Variants in PRH1 observed in about 807,000 individuals in gnomAD.
The protein encoded by PRH1 is salivary acidic proline-rich phosphoprotein 1/2.
Under a neutral mutation model 7.9 loss-of-function variants are expected in PRH1, and 7 were observed. The ratio of observed to expected loss-of-function variants is 0.89; its 90% confidence interval spans 0.50 to 1.67. The LOEUF (loss-of-function observed/expected upper bound fraction) is 1.67, where lower values mean the gene tolerates loss of function less well. Among genes scored for constraint, PRH1 ranks in the 40% most tolerant of loss-of-function variants. PRH1 has a pLI of 0.00. For missense variants in PRH1, 109 were observed against 223.6 expected, an observed-to-expected ratio of 0.49 and a Z score of 3.27; for synonymous variants, 45 against 80.8, an observed-to-expected ratio of 0.56 and a Z score of 2.38.
At chr12:11,031,440 A>G (rs1942212230) in intron 1 of PRH1, 3 of 1,321,666 alleles carry the variant, frequency 2.3e-6, no homozygotes, top group Non-Finnish European at 3.1e-6. Context: ...GGAGCCACCG[A>G]CCTTCACGGT....
At chr12:10,912,632 G>A (rs1185679033) in intron 2 of PRH1, among the ~76,000 whole-genome samples, 2 of 151,278 alleles carry the variant, frequency 1.3e-5, no homozygotes, top group Non-Finnish European at 3.0e-5. Flanking sequence ...TTATATTCCT[G>A]GCATACGTTT....
chr12:10,998,941 T>C (rs1940440475), intron 1 of PRH1, among the ~76,000 whole-genome samples: 1 of 152,116 alleles, frequency 6.6e-6, no homozygotes, highest in South Asian at 2.1e-4. Flanking sequence ...AATGAGAACA[T>C]GTCCACACTA....
intron 2 of PRH1, among the ~76,000 whole-genome samples, chr12:10,911,167 C>T (rs1949894143): frequency 1.3e-5 from 2 of 152,104 alleles, no homozygotes; most frequent in South Asian, 4.1e-4. Context: ...TTCTTCCTAC[C>T]TATCTAGAGA....
intron 1 of PRH1, among the ~76,000 whole-genome samples, chr12:11,170,087 C>T (rs1192692196): frequency 6.6e-6 from 1 of 152,190 alleles, no homozygotes; most frequent in African/African-American, 2.4e-5. Context: ...AGAAATCACA[C>T]ATTTGAATAA....
At chr12:10,996,833 T>C (rs924232317) in intron 1 of PRH1, 3 of 977,798 alleles carry the variant, frequency 3.1e-6, no homozygotes, top group African/African-American at 3.3e-5. Flanking sequence ...ATGTCAACTT[T>C]TGGAAATTAC....
chr12:11,163,656 CAACATG>C (rs1164660694), intron 1 of PRH1, among the ~76,000 whole-genome samples: 1 of 152,090 alleles, frequency 6.6e-6, no homozygotes, highest in Non-Finnish European at 1.5e-5. Flanking sequence ...TTGGAAATAT[CAACATG>C]AACTTATTTT....
At chr12:11,089,242 T>C (rs1260197897) in intron 1 of PRH1, among the ~76,000 whole-genome samples, 1 of 116,098 alleles carries the variant, frequency 8.6e-6, no homozygotes, top group Non-Finnish European at 2.0e-5. Context: ...ATGACTTTCA[T>C]GACCACCACC....
At chr12:10,969,482 C>T (rs1938684786) in intron 2 of PRH1, among the ~76,000 whole-genome samples, 1 of 152,180 alleles carries the variant, frequency 6.6e-6, no homozygotes, top group Admixed American at 6.5e-5. Context: ...ATTTCCCAGC[C>T]TCCTGCTCCT....
chr12:11,154,856 A>G (rs569270929), intron 1 of PRH1, among the ~76,000 whole-genome samples: 3 of 152,312 alleles, frequency 2.0e-5, no homozygotes, highest in African/African-American at 7.2e-5. Flanking sequence ...AGGAAAGAGG[A>G]TCAGAGACAC....
chr12:11,063,388 A>AT (rs1198819966), intron 1 of PRH1, among the ~76,000 whole-genome samples: 1 of 152,060 alleles, frequency 6.6e-6, no homozygotes, highest in Non-Finnish European at 1.5e-5. Context: ...TACCATGAGA[A>AT]TATCACCTGG....
intron 2 of PRH1, among the ~76,000 whole-genome samples, chr12:10,958,952 C>T (rs753115403): frequency 6.6e-6 from 1 of 152,120 alleles, no homozygotes; most frequent in Non-Finnish European, 1.5e-5. Flanking sequence ...CTCTGGCTGC[C>T]ACCTTGAGAA....
In PRH1 at chr12:10,974,646, G is replaced by A. The variant is rs1939003858; in HGVS notation, c.-125-925C>T. ...AAGAAAAAAAAAGAACCCATCCAAA[G>A]TACAGCAATTTCAAAGATTCAAGGA... On this transcript the variant is annotated intron_variant, in intron 1 of 3. Transcript: ENST00000539853. Among the ~76,000 whole-genome samples the A allele has an allele frequency of 2.0e-5, 3 of 152,094 alleles. No individual in the cohort carries two copies. In the South Asian group the frequency reaches 6.2e-4, roughly 32 times the overall value.
At chr12:11,088,016 T>G (rs1332118620) in intron 1 of PRH1, among the ~76,000 whole-genome samples, 1 of 122,432 alleles carries the variant, frequency 8.2e-6, no homozygotes, top group African/African-American at 2.8e-5. Flanking sequence ...TAATTTACAT[T>G]TTTTAAAACA....
chr12:11,051,303 C>T (rs1440592649), upstream of PRH1, among the ~76,000 whole-genome samples: 1 of 152,108 alleles, frequency 6.6e-6, no homozygotes, highest in Non-Finnish European at 1.5e-5. Flanking sequence ...GTAGTCACAA[C>T]TAAAATCAAA....
intron 1 of PRH1, among the ~76,000 whole-genome samples, chr12:11,008,247 T>C (rs1940914828): frequency 6.6e-6 from 1 of 152,096 alleles, no homozygotes; most frequent in Non-Finnish European, 1.5e-5. Context: ...ATAAGTAGTT[T>C]CTTTTCCCCT....
chr12:11,053,417 T>C, intron 1 of PRH1, among the ~76,000 whole-genome samples: 1 of 152,294 alleles, frequency 6.6e-6, no homozygotes, highest in East Asian at 1.9e-4. Flanking sequence ...AGCAATTTTA[T>C]TTATACTAAA....
chr12:11,017,127 A>C (rs994943100), intron 1 of PRH1, among the ~76,000 whole-genome samples: 4 of 152,276 alleles, frequency 2.6e-5, no homozygotes, highest in African/African-American at 7.2e-5. Context: ...GATTTAGTGA[A>C]TGTTTCTTAT....
chr12:10,930,592 A>G, intron 2 of PRH1: 1 of 1,597,648 alleles, frequency 6.3e-7, no homozygotes, highest in East Asian at 2.2e-5. Context: ...CGTGTGGTGA[A>G]GACAGAGAGA....
intron 1 of PRH1, among the ~76,000 whole-genome samples, chr12:11,127,425 A>T (rs1325019331): frequency 2.0e-5 from 3 of 152,292 alleles, no homozygotes; most frequent in Non-Finnish European, 4.4e-5. Context: ...CTTGGTCAAA[A>T]CTAGAATCAT....
Sources: gnomAD v4.1 joint callset for allele counts (sites outside exome capture counted in the v4.1 genomes callset) on GRCh38, gnomAD v4.1.1 for gene constraint, MANE v1.5 for transcripts, NCBI Gene and HGNC (gene_info 2026-07-23, HGNC 2026-07-21) for gene names.